Variants in PLEC observed in about 807,000 individuals in gnomAD.
PLEC encodes plectin.
A neutral mutation model predicts 392.8 loss-of-function variants in PLEC; 216 were observed. The ratio of observed to expected loss-of-function variants is 0.55; its 90% confidence interval spans 0.49 to 0.62. The LOEUF (loss-of-function observed/expected upper bound fraction) is 0.62. Ranked by LOEUF, PLEC falls within the 20% of genes least tolerant of loss-of-function variation. The probability of loss-of-function intolerance (pLI) is 0.00; values close to 1 mark genes in which losing one functional copy is unlikely to be tolerated. For synonymous variants in PLEC, 3,621 were observed against 2,980.6 expected, an observed-to-expected ratio of 1.21 and a Z score of -7.00; for missense variants, 6,863 against 6,563.4, an observed-to-expected ratio of 1.05 and a Z score of -1.58.
chr8:143,930,377 C>T lies in PLEC; in HGVS notation c.2457+7G>A, dbSNP rs781859161. On this transcript the variant is annotated splice_region_variant and intron_variant, in intron 20 of 31. Coordinates refer to ENST00000345136, the MANE Select transcript of PLEC (RefSeq NM_201384.3). ...CGCCCCCCAGTGGACCCCCGGCCTGCGCTCACCTCCACCTGCTTATAGTCG... is the reference window on the plus strand; with the variant it reads ...CGCCCCCCAGTGGACCCCCGGCCTGTGCTCACCTCCACCTGCTTATAGTCG... The T allele has an allele frequency of 1.3e-6, 2 of 1,575,038 alleles. No individual in the cohort carries two copies. The highest frequency in any genetic ancestry group is 2.3e-5 in the East Asian group (1 of 43,102).
intron 28 of PLEC, 58 bp from the exon 29 acceptor site, chr8:143,927,139 C>A: frequency 1.3e-6 from 2 of 1,558,496 alleles, no homozygotes; most frequent in Non-Finnish European, 1.8e-6. Flanking sequence ...CCCTGCCCAG[C>A]CCCTAAACCC....
At chr8:143,938,115 G>T in intron 3 of PLEC, 36 bp downstream of exon 3, 1 of 1,503,890 alleles carries the variant, frequency 6.6e-7, no homozygotes, top group Non-Finnish European at 9.1e-7. Context: ...TCCAGGTGGG[G>T]CAGGCGGGGC....
upstream of PLEC, chr8:143,953,736 G>T (rs1554738171): frequency 3.7e-6 from 6 of 1,612,130 alleles, no homozygotes; most frequent in Non-Finnish European, 8.5e-7. Flanking sequence ...CTTTGAGGGA[G>T]CTGATCTCGT....
rs1826464720 is a variant in PLEC at position 143,929,567 on chromosome 8, T to C, written c.2928A>G (p.Ala976=). 1 of 1,612,338 alleles carries C rather than the reference T, an allele frequency of 6.2e-7. No homozygotes were observed. Among genetic ancestry groups the C allele is most frequent in the Non-Finnish European group, 8.5e-7 (1 of 1,179,906 alleles). ...AGCGCTGGCAGCGAGACTCTTCCTG[T>C]GCACCTGGGGAACACATGTGGGTCA... ...QQLLQSLEQG[A]QEESRCQRCI... is the part of the protein sequence containing the mutation. The change falls in exon 24 of 32, where the codon GCA becomes GCG. Residue 976 remains alanine (A), a synonymous_variant. Coordinates refer to ENST00000345136, the MANE Select transcript of PLEC (RefSeq NM_201384.3).
At chr8:143,940,570 TGCCTCTGGCCA>T (rs1471068104), upstream of PLEC, among the ~76,000 whole-genome samples, 1 of 152,154 alleles carries the variant, frequency 6.6e-6, no homozygotes. Flanking sequence ...GGGGCGGAGC[TGCCTCTGGCCA>T]GCTTCTGGGC....
chr8:143,925,284 C>G lies in PLEC; in HGVS notation c.4645G>C (p.Glu1549Gln), dbSNP rs1373530791. 1 of 1,576,320 alleles carries G rather than the reference C, an allele frequency of 6.3e-7. No individual in the cohort carries two copies. The highest frequency in any genetic ancestry group is 8.5e-7 in the Non-Finnish European group (1 of 1,169,884). Residue 1549 changes from glutamate (E) to glutamine (Q), a missense_variant, in exon 31 of 32, where the codon GAG becomes CAG. Coordinates refer to ENST00000345136, the MANE Select transcript of PLEC (RefSeq NM_201384.3). ...ACCTCGGCCTGCCGCAGGCGCCGCT[C>G]CGCCTCCTCCGCCTGCAGCCGCAGC... is the stretch of plus-strand genomic sequence containing the variant. ...EELRLQAEEA[E>Q]RRLRQAEVER... is the part of the protein sequence containing the mutation.
chr8:143,937,261 A>T lies in PLEC; in HGVS notation c.265-19T>A. On this transcript the variant is annotated intron_variant, in intron 3 of 31. Coordinates refer to ENST00000345136, the MANE Select transcript of PLEC (RefSeq NM_201384.3). ...CCCGGGGCTGTGGGGAGGCACAGTCAGCACCCACAGTGCAGCTGCAGCTCC... is the reference window on the plus strand; with the variant it reads ...CCCGGGGCTGTGGGGAGGCACAGTCTGCACCCACAGTGCAGCTGCAGCTCC... 6.3e-7 allele frequency: 1 copy of T among 1,593,478 alleles called. No homozygotes were observed. The highest frequency in any genetic ancestry group is 8.6e-7 in the Non-Finnish European group (1 of 1,162,710).
intron 1 of PLEC, among the ~76,000 whole-genome samples, chr8:143,970,385 G>A (rs577611100): frequency 1.3e-5 from 2 of 152,154 alleles, no homozygotes; most frequent in East Asian, 1.9e-4. Flanking sequence ...CGGCTGGGGC[G>A]ATCGCTGTGC....
At chr8:143,946,789 T>TGCC (rs1292511835) in intron 1 of PLEC, among the ~76,000 whole-genome samples, 10 of 119,656 alleles carry the variant, frequency 8.4e-5, no homozygotes, top group Non-Finnish European at 1.5e-4. Flanking sequence ...GGCATCCATG[T>TGCC]GCCCAGCGGT....
chr8:143,919,451 AGAAC>A lies in PLEC; in HGVS notation c.10366_10369del (p.Val3456SerfsTer42). ...CAGCAGGCGGATGCCGTGCTGCCGGAGAACCAGGCCCTTCTGCATGGCCTGGAAG... is the reference window on the plus strand; with the variant it reads ...CAGCAGGCGGATGCCGTGCTGCCGGACAGGCCCTTCTGCATGGCCTGGAAG... On this transcript the variant is annotated frameshift_variant, in exon 32 of 32. Coordinates refer to ENST00000345136, the MANE Select transcript of PLEC (RefSeq NM_201384.3). LOFTEE classifies it high-confidence loss of function. 1 of 1,613,274 alleles carries A rather than the reference AGAAC, an allele frequency of 6.2e-7. No homozygotes were observed.
Position 143,973,315 on chromosome 8 carries a change from C to T in PLEC, c.70+88G>A. 4 of 1,490,500 alleles carry T rather than the reference C, an allele frequency of 2.7e-6. No individual in the cohort carries two copies. Among genetic ancestry groups the T allele is most frequent in the Non-Finnish European group, 3.6e-6 (4 of 1,104,238 alleles). 92.3% of individuals were successfully genotyped at this position (1,490,500 alleles called of 1,614,324 possible). On this transcript the variant is annotated intron_variant, in intron 1 of 31. Coordinates refer to the PLEC transcript ENST00000356346. The surrounding 1 kb of genome is among the most constrained non-coding windows in gnomAD (Gnocchi z 5.6). ...GGCGGAGTGGCCGCGCTCGGGCCGGCGATCGGGACCGCCACCGTGGACGAC... is the reference window on the plus strand; with the variant it reads ...GGCGGAGTGGCCGCGCTCGGGCCGGTGATCGGGACCGCCACCGTGGACGAC...
chr8:143,916,839 C>T lies in PLEC; in HGVS notation c.12982G>A (p.Glu4328Lys), dbSNP rs1554670243. Residue 4328 changes from glutamate (E) to lysine (K), a missense_variant, in exon 32 of 32, where the codon GAG (glutamate) becomes AAG (lysine). By Grantham distance (56) the Glu-to-Lys change is moderately conservative. Transcript: ENST00000345136. ...ACGGCGTCGGTGACAGGGAAGCGCTCACCGGTGCTGGGGTCGATGATGCCC... is the reference window on the plus strand; with the variant it reads ...ACGGCGTCGGTGACAGGGAAGCGCTTACCGGTGCTGGGGTCGATGATGCCC... ...TGGIIDPSTGERFPVTDAVNK... is the reference protein window; with the variant it reads ...TGGIIDPSTGKRFPVTDAVNK... 1.9e-6 allele frequency: 3 copies of T among 1,613,024 alleles called. No individual in the cohort carries two copies. Among genetic ancestry groups the T allele is most frequent in the Non-Finnish European group, 2.5e-6 (3 of 1,179,968 alleles).
In PLEC at chr8:143,922,999, C is replaced by T. The variant is rs1195207337; in HGVS notation, c.6930G>A (p.Lys2310=). The part of the protein sequence containing the change: ...DLAQQRALAE[K]MLKEKMQAVQ... ...CCGCCTGCATCTTCTCCTTGAGCAT[C>T]TTCTCTGCCAAGGCCCGCTGCTGTG... The change falls in exon 31 of 32, where the codon AAG becomes AAA. Residue 2310 remains lysine, a synonymous_variant. Coordinates refer to ENST00000345136, the MANE Select transcript of PLEC (RefSeq NM_201384.3). 6.2e-7 allele frequency: 1 copy of T among 1,612,124 alleles called. No individual in the cohort carries two copies. The highest frequency in any genetic ancestry group is 1.3e-5 in the African/African-American group (1 of 75,032).
At chr8:143,952,309 A>G (rs1340791594), upstream of PLEC, among the ~76,000 whole-genome samples, 2 of 152,212 alleles carry the variant, frequency 1.3e-5, no homozygotes, top group Admixed American at 6.5e-5. Flanking sequence ...GCCCTCTGGC[A>G]GGGCCAGCTC....
At chr8:143,938,393 G>A in intron 2 of PLEC, 153 bp from the exon 3 acceptor site, 3 of 1,535,466 alleles carry the variant, frequency 2.0e-6, no homozygotes, top group Non-Finnish European at 2.6e-6. Flanking sequence ...CCCCACGGAG[G>A]CACCTACCTC....
At chr8:143,947,594 A>C (rs1338864146) in intron 1 of PLEC, among the ~76,000 whole-genome samples, 10 of 151,868 alleles carry the variant, frequency 6.6e-5, no homozygotes, top group African/African-American at 1.5e-4. Flanking sequence ...AAAAAAAAAA[A>C]CAAAAATTAG....
upstream of PLEC, chr8:143,942,510 C>A: frequency 6.3e-7 from 1 of 1,575,304 alleles, no homozygotes; most frequent in Middle Eastern, 2.2e-4. Flanking sequence ...CCCCCGCCCC[C>A]GACATGCCGG....
chr8:143,920,775 C>T lies in PLEC; in HGVS notation c.9046G>A (p.Val3016Met). Residue 3016 changes from valine (V) to methionine (M), a missense_variant, in exon 32 of 32, where the codon GTG becomes ATG. Val to Met is a conservative substitution (Grantham distance 21). Coordinates refer to ENST00000345136, the MANE Select transcript of PLEC (RefSeq NM_201384.3). ...SVRDVAEVDTVRRALRGANVI... is the reference protein window; with the variant it reads ...SVRDVAEVDTMRRALRGANVI... ...TTGGCACCCCGGAGAGCCCGCCGCA[C>T]AGTGTCCACCTCGGCTACGTCTCGC... 1 of 1,606,916 alleles carries T rather than the reference C, an allele frequency of 6.2e-7. No individual in the cohort carries two copies. The highest frequency in any genetic ancestry group is 8.5e-7 in the Non-Finnish European group (1 of 1,179,918).
chr8:143,951,884 G>A (rs1554736911), upstream of PLEC, among the ~76,000 whole-genome samples: 1 of 124,306 alleles, frequency 8.0e-6, no homozygotes, highest in Non-Finnish European at 1.8e-5. Context: ...TCCCCGCCCC[G>A]CTGCTGCCGC....
Sources: allele counts gnomAD v4.1 joint callset (sites outside exome capture counted in the v4.1 genomes callset), GRCh38; gene constraint gnomAD v4.1.1; non-coding constraint Gnocchi (gnomAD v3.1); transcripts MANE v1.5; gene names NCBI Gene and HGNC (gene_info 2026-07-23, HGNC 2026-07-21).